MYO1E: variants seen among roughly 807,000 people sequenced by gnomAD.
MYO1E encodes unconventional myosin-Ie.
Under a neutral mutation model 151.1 loss-of-function variants are expected in MYO1E, and 68 were observed. That is an observed-to-expected ratio of 0.45 (90% CI 0.37 to 0.55). The LOEUF (loss-of-function observed/expected upper bound fraction) is 0.55, where lower values mean the gene tolerates loss of function less well. Ranked by LOEUF, MYO1E falls within the 20% of genes least tolerant of loss-of-function variation. The pLI is 0.00. For synonymous variants in MYO1E, 601 were observed against 501.7 expected, an observed-to-expected ratio of 1.20 and a Z score of -2.64; for missense variants, 1,363 against 1,389.3, an observed-to-expected ratio of 0.98 and a Z score of 0.30.
intron 16 of MYO1E, among the ~76,000 whole-genome samples, chr15:59,201,133 G>C (rs1405833667): frequency 6.7e-6 from 1 of 150,278 alleles, no homozygotes; most frequent in Non-Finnish European, 1.5e-5. Flanking sequence ...TTGGAGACAG[G>C]GTCTCGTTCT....
At chr15:59,289,994 C>T (rs1479878555) in intron 1 of MYO1E, among the ~76,000 whole-genome samples, 12 of 152,232 alleles carry the variant, frequency 7.9e-5, no homozygotes, top group African/African-American at 2.2e-4. Context: ...GATCGGGGAA[C>T]GGGCATCACT....
intron 1 of MYO1E, among the ~76,000 whole-genome samples, chr15:59,341,016 C>CAAAAAAAA (rs35367694): frequency 3.2e-3 from 270 of 85,236 alleles, no homozygotes; most frequent in Middle Eastern, 4.9e-3. Context: ...GACTCCATCT[C>CAAAAAAAA]AAAAAAAAAA....
At chr15:59,337,988 T>C (rs532368667) in intron 1 of MYO1E, among the ~76,000 whole-genome samples, 1 of 152,362 alleles carries the variant, frequency 6.6e-6, no homozygotes, top group African/African-American at 2.4e-5. Context: ...AACTCCTTTT[T>C]TTCCTCCTAC....
At position 59,327,325 on chromosome 15, in the gene MYO1E, CTT is replaced by C. The variant is rs67680356; in HGVS notation, c.3+45171_3+45172del. Among the ~76,000 whole-genome samples, 1,090 of 146,560 alleles carry C rather than the reference CTT, an allele frequency of 7.4e-3. 7 individuals are homozygous for C. The highest frequency in any genetic ancestry group is 0.014 in the African/African-American group (561 of 39,836). ...TTTAAAAGGCACTTTGTACATTTTT[CTT>C]TTTTTTTTTTTATTTCAGAGATGGG... On this transcript the variant is annotated intron_variant, in intron 1 of 27. Coordinates refer to ENST00000288235, the MANE Select transcript of MYO1E (RefSeq NM_004998.4).
chr15:59,242,580 A>C (rs2080106493), intron 4 of MYO1E, among the ~76,000 whole-genome samples: 2 of 152,226 alleles, frequency 1.3e-5, no homozygotes, highest in Non-Finnish European at 2.9e-5. Flanking sequence ...GGAAGGAATG[A>C]TGGAAACAGA....
chr15:59,202,216 C>T, intron 16 of MYO1E, 110 bp downstream of exon 16: 1 of 912,298 alleles, frequency 1.1e-6, no homozygotes, highest in South Asian at 1.4e-5. Context: ...TCTTCTGTAA[C>T]CACCTCCTCA....
chr15:59,187,008 AT>A (rs1457958686), intron 18 of MYO1E, among the ~76,000 whole-genome samples: 1 of 152,228 alleles, frequency 6.6e-6, no homozygotes, highest in Non-Finnish European at 1.5e-5. Context: ...ATTGTACAAA[AT>A]TTTTGAGGTT....
At position 59,266,719 on chromosome 15, in the gene MYO1E, T is replaced by A. The variant is rs370277466; in HGVS notation, c.148-5210A>T. The stretch of plus-strand genomic sequence containing the variant: ...AGTCTGTCACCCGGATGGAGTGCAG[T>A]GGTGTGATATTGGCTCATTGCAAGC... On this transcript the variant is annotated intron_variant, in intron 2 of 27. Transcript: ENST00000288235. The A allele has an allele frequency of 3.3e-4, 49 of 148,794 alleles. 3 individuals carry two copies. The highest frequency in any genetic ancestry group is 1.2e-3 in the African/African-American group (49 of 40,860). The allele number at this position is 148,794 out of a possible 1,614,324, so 9.2% of individuals were successfully genotyped here.
At chr15:59,289,944 G>T (rs141512896) in intron 1 of MYO1E, among the ~76,000 whole-genome samples, 1 of 152,160 alleles carries the variant, frequency 6.6e-6, no homozygotes, top group African/African-American at 2.4e-5. Flanking sequence ...GGCATCAAAA[G>T]GGCAACCCAC....
intron 1 of MYO1E, among the ~76,000 whole-genome samples, chr15:59,311,370 T>C (rs1328350495): frequency 6.6e-6 from 1 of 152,036 alleles, no homozygotes; most frequent in Non-Finnish European, 1.5e-5. Context: ...CCTATGAGAA[T>C]CTAATGCCGC....
chr15:59,312,835 C>A (rs2080560828), intron 1 of MYO1E, among the ~76,000 whole-genome samples: 1 of 151,710 alleles, frequency 6.6e-6, no homozygotes, highest in African/African-American at 2.4e-5. Context: ...CTGGCTAACA[C>A]AATGAAACCC....
chr15:59,177,571 G>A (rs2140319418), intron 19 of MYO1E, among the ~76,000 whole-genome samples: 1 of 152,308 alleles, frequency 6.6e-6, no homozygotes, highest in South Asian at 2.1e-4. Context: ...AAACGATGAT[G>A]CTGAGCCTCG....
chr15:59,270,605 T>C (rs2080283854), intron 2 of MYO1E, among the ~76,000 whole-genome samples: 1 of 150,028 alleles, frequency 6.7e-6, no homozygotes, highest in Non-Finnish European at 1.5e-5. Flanking sequence ...CACAACTATA[T>C]ACAATTACTA....
intron 1 of MYO1E, among the ~76,000 whole-genome samples, chr15:59,327,587 T>C (rs1417710987): frequency 3.3e-5 from 5 of 152,174 alleles, no homozygotes; most frequent in African/African-American, 1.2e-4. Flanking sequence ...AGTATTGGGA[T>C]TGCAGGTATG....
At chr15:59,278,080 C>T (rs1446589057) in intron 1 of MYO1E, among the ~76,000 whole-genome samples, 1 of 152,176 alleles carries the variant, frequency 6.6e-6, no homozygotes, top group African/African-American at 2.4e-5. Context: ...ACTGACCAGG[C>T]TCTCAAAGTC....
chr15:59,245,309 C>G (rs1273435973), intron 4 of MYO1E, among the ~76,000 whole-genome samples: 1 of 152,186 alleles, frequency 6.6e-6, no homozygotes, highest in East Asian at 1.9e-4. Context: ...GAATTTTTCC[C>G]TTTTATCTTT....
At chr15:59,292,637 T>C (rs2080426404) in intron 1 of MYO1E, among the ~76,000 whole-genome samples, 1 of 152,242 alleles carries the variant, frequency 6.6e-6, no homozygotes, top group Non-Finnish European at 1.5e-5. Flanking sequence ...GTAAGGGCTA[T>C]GCTTTCCAGA....
Position 59,148,943 on chromosome 15 carries a change from G to A in MYO1E, c.3080+4647C>T, listed in dbSNP as rs184381344. 2.8e-4 allele frequency among the ~76,000 whole-genome samples: 43 copies of A among 151,796 alleles called. 1 individual carries two copies. The highest frequency in any genetic ancestry group is 9.9e-4 in the African/African-American group (41 of 41,376). On this transcript the variant is annotated intron_variant, in intron 26 of 27. Transcript: ENST00000288235. ...TCTGGGTTTTAATGCTTCCAAGAATGAACTGCAGGTAGATTAGGTACATTT... is the reference window on the plus strand; with the variant it reads ...TCTGGGTTTTAATGCTTCCAAGAATAAACTGCAGGTAGATTAGGTACATTT...
At chr15:59,139,002 C>T (rs528703053) in intron 26 of MYO1E, among the ~76,000 whole-genome samples, 5 of 152,228 alleles carry the variant, frequency 3.3e-5, no homozygotes, top group Middle Eastern at 3.4e-3. Context: ...CACCACTGCG[C>T]GAGTGAGTGT....
Sources: gnomAD v4.1 joint callset for allele counts (sites outside exome capture counted in the v4.1 genomes callset) on GRCh38, gnomAD v4.1.1 for gene constraint, MANE v1.5 for transcripts, NCBI Gene and HGNC (gene_info 2026-07-23, HGNC 2026-07-21) for gene names.